Variants in SYNM observed in about 807,000 individuals in gnomAD.
SYNM encodes the protein synemin.
In SYNM, 95 loss-of-function variants were observed where a neutral mutation model predicts 104.0. That is an observed-to-expected ratio of 0.91 (90% CI 0.77 to 1.08). The LOEUF is 1.08. Ranked by LOEUF, SYNM falls within the 50% of genes least tolerant of loss-of-function variation. The probability of loss-of-function intolerance (pLI) is 0.00; values close to 1 mark genes in which losing one functional copy is unlikely to be tolerated. For missense variants in SYNM, 2,150 were observed against 2,052.2 expected, an observed-to-expected ratio of 1.05 and a Z score of -0.92; for synonymous variants, 918 against 869.0, an observed-to-expected ratio of 1.06 and a Z score of -0.99.
At chr15:99,141,556 T>A in the SYNM span, among the ~76,000 whole-genome samples, 1 of 152,198 alleles carries the variant, frequency 6.6e-6, no homozygotes, top group Non-Finnish European at 1.5e-5. Flanking sequence ...AAATGTTTCA[T>A]AATATATTTT....
Position 99,132,130 on chromosome 15 carries a change from G to T in SYNM, c.3770G>T (p.Gly1257Val). 1 of 1,613,988 alleles carries T rather than the reference G, an allele frequency of 6.2e-7. No homozygotes were observed. Among genetic ancestry groups the T allele is most frequent in the Non-Finnish European group, 8.5e-7 (1 of 1,179,896 alleles). ...GDYFATEESVGTQTSVRQLQL... is the reference protein window; with the variant it reads ...GDYFATEESVVTQTSVRQLQL... ...TATTTTGCAACAGAAGAGTCAGTGGGTACCCAGACTTCTGTCAGGCAACTC... is the reference window on the plus strand; with the variant it reads ...TATTTTGCAACAGAAGAGTCAGTGGTTACCCAGACTTCTGTCAGGCAACTC... Residue 1257 changes from glycine to valine, a missense_variant, in exon 4 of 4, where the codon GGT becomes GTT. Physicochemically the swap from Gly to Val is moderately radical, Grantham distance 109 (BLOSUM62 -3). Transcript: ENST00000336292.
In SYNM at chr15:99,133,025, T is replaced by TGAG. The variant is rs782791795; in HGVS notation, c.4675_4677dup (p.Glu1559dup). 3.7e-6 allele frequency: 6 copies of TGAG among 1,613,596 alleles called. No individual in the cohort carries two copies. The highest frequency in any genetic ancestry group is 3.3e-5 in the South Asian group (3 of 91,044). On this transcript the variant is annotated inframe_insertion, in exon 4 of 4. Transcript: ENST00000336292. ...AAGTTGCCCTCCTCTATCTAGACAA[T>TGAG]GAGGAGGAGGAGAATGATGGGCATT...
chr15:99,107,928 T>G (rs984608347), intron 1 of SYNM, among the ~76,000 whole-genome samples: 18 of 56,268 alleles, frequency 3.2e-4, no homozygotes, highest in African/African-American at 1.8e-3. Flanking sequence ...AAGGACCTGG[T>G]TTTTTTTTTT....
rs781921230 is a variant in SYNM at position 99,126,802 on chromosome 15, A to T, written c.1006+10A>T. On this transcript the variant is annotated intron_variant, in intron 3 of 3. Coordinates refer to ENST00000336292, the MANE Select transcript of SYNM (RefSeq NM_145728.3). ...GAAAACATGCCGTCAGGTAAGTAAA[A>T]GCTAATGACTTGACTTAGCTTTAGG... The T allele has an allele frequency of 6.4e-6, 10 of 1,559,800 alleles. No individual in the cohort carries two copies. The South Asian group carries it at 9.5e-5, about 15-fold the overall frequency.
At chr15:99,123,223 G>T (rs2067417208) in intron 2 of SYNM, among the ~76,000 whole-genome samples, 1 of 152,112 alleles carries the variant, frequency 6.6e-6, no homozygotes, top group African/African-American at 2.4e-5. Context: ...TCTGAATCCA[G>T]ACATCCTGAC....
chr15:99,120,182 A>C (rs1439533718), intron 2 of SYNM, among the ~76,000 whole-genome samples: 1 of 152,216 alleles, frequency 6.6e-6, no homozygotes, highest in African/African-American at 2.4e-5. Context: ...TGTTCCCTCC[A>C]TGCCCTGTTG....
At chr15:99,114,729 G>T (rs1052313237) in intron 2 of SYNM, among the ~76,000 whole-genome samples, 1 of 151,944 alleles carries the variant, frequency 6.6e-6, no homozygotes, top group Non-Finnish European at 1.5e-5. Context: ...GTCCCCCTGG[G>T]TGTGGCCTGC....
Position 99,131,009 on chromosome 15 carries a change from G to A in SYNM, c.2649G>A (p.Val883=). The change falls in exon 4 of 4, where the codon GTG becomes GTA. Residue 883 remains valine (V), a synonymous_variant. Transcript: ENST00000336292. This position sits in a 1 kb window ranked among gnomAD's most constrained non-coding sequence, Gnocchi z 4.3. ...TRRRTQKDGA[V]GEKVVKPLDV... ...GGAGGACACAGAAGGACGGTGCAGTGGGCGAGAAGGTTGTGAAGCCCTTGG... is the reference window on the plus strand; with the variant it reads ...GGAGGACACAGAAGGACGGTGCAGTAGGCGAGAAGGTTGTGAAGCCCTTGG... 1 of 1,613,248 alleles carries A rather than the reference G, an allele frequency of 6.2e-7. No individual in the cohort carries two copies. The highest frequency in any genetic ancestry group is 8.5e-7 in the Non-Finnish European group (1 of 1,179,530).
chr15:99,141,686 C>T, the SYNM span, among the ~76,000 whole-genome samples: 2 of 152,092 alleles, frequency 1.3e-5, no homozygotes, highest in Non-Finnish European at 2.9e-5. Flanking sequence ...TTTAGGTCTT[C>T]AAGAAAATTA....
chr15:99,107,709 C>A (rs1168581026), intron 1 of SYNM, among the ~76,000 whole-genome samples: 1 of 152,148 alleles, frequency 6.6e-6, no homozygotes, highest in Non-Finnish European at 1.5e-5. Flanking sequence ...CTGGAGGAGA[C>A]ATGGGGACTT....
rs35238587 is a variant in SYNM at position 99,132,765 on chromosome 15, G to A, written c.4405G>A (p.Val1469Ile). 18,021 of 1,613,938 alleles carry A rather than the reference G, an allele frequency of 0.011. 143 individuals carry two copies. The highest frequency in any genetic ancestry group is 0.013 in the Non-Finnish European group (15,665 of 1,179,882). The change falls in exon 4 of 4, where the codon GTA becomes ATA. Residue 1469 changes from valine to isoleucine, a missense_variant. Coordinates refer to ENST00000336292, the MANE Select transcript of SYNM (RefSeq NM_145728.3). ...TACCTTTCAGATGGATGTGAGTAAC[G>A]TAGAGGCGATCCGCAGCCGGACACA... is the stretch of plus-strand genomic sequence containing the variant. ...SFTFQMDVSN[V>I]EAIRSRTQEA...
At chr15:99,139,784 A>G, downstream of SYNM, 1 of 1,276,038 alleles carries the variant, frequency 7.8e-7, no homozygotes, top group Non-Finnish European at 1.0e-6. Context: ...TTTTTTTGTA[A>G]ACACATACTC....
At position 99,131,236 on chromosome 15, in the gene SYNM, C is replaced by A; in HGVS notation, c.2876C>A (p.Thr959Asn). 2 of 1,609,368 alleles carry A rather than the reference C, an allele frequency of 1.2e-6. No individual in the cohort carries two copies. Among genetic ancestry groups the A allele is most frequent in the Non-Finnish European group, 1.7e-6 (2 of 1,178,176 alleles). Residue 959 changes from threonine (T) to asparagine (N), a missense_variant, in exon 4 of 4, where the codon ACC becomes AAC. Thr to Asn is a moderately conservative substitution (Grantham distance 65, BLOSUM62 0). Coordinates refer to ENST00000336292, the MANE Select transcript of SYNM (RefSeq NM_145728.3). The surrounding 1 kb of genome is among the most constrained non-coding windows in gnomAD (Gnocchi z 4.3). ...GAGGTCATCGGGCAGCTGGAGGAAA[C>A]CCTTCCCGAGCGCATGAGGGAGGAG... Reference protein sequence around the residue: ...LVEVIGQLEETLPERMREELS... With the variant: ...LVEVIGQLEENLPERMREELS...
At chr15:99,113,518 A>T in intron 1 of SYNM, 73 bp from the exon 2 acceptor site, 1 of 1,587,798 alleles carries the variant, frequency 6.3e-7, no homozygotes, top group Non-Finnish European at 8.6e-7. Flanking sequence ...TTCGATCCTG[A>T]ATTGTTGGTA....
In SYNM at chr15:99,131,775, C is replaced by T. The variant is rs200970400; in HGVS notation, c.3415C>T (p.Arg1139Ter). 5.0e-6 allele frequency: 8 copies of T among 1,613,920 alleles called. No homozygotes were observed. The highest frequency in any genetic ancestry group is 1.7e-5 in the Admixed American group (1 of 60,032). The part of the protein sequence containing the change: ...LGPSEVWRTE[R>*]MSYEGPTAEV... The stretch of plus-strand genomic sequence containing the variant: ...CCCCTCTGAAGTCTGGAGGACTGAG[C>T]GAATGTCATATGAAGGACCCACTGC... Residue 1139 changes from arginine to a stop codon, truncating the protein, a stop_gained, in exon 4 of 4, where the codon CGA becomes TGA. Transcript: ENST00000336292. LOFTEE classifies it high-confidence loss of function. This position sits in a 1 kb window ranked among gnomAD's most constrained non-coding sequence, Gnocchi z 4.3.
chr15:99,138,229 A>G, downstream of SYNM: 2 of 1,441,892 alleles, frequency 1.4e-6, no homozygotes, highest in African/African-American at 1.4e-5. Flanking sequence ...CCCATTTATG[A>G]GAAGACTTGG....
chr15:99,117,895 C>T (rs1272267967), intron 2 of SYNM, among the ~76,000 whole-genome samples: 3 of 152,212 alleles, frequency 2.0e-5, no homozygotes, highest in Non-Finnish European at 2.9e-5. Context: ...CTATGGCTGG[C>T]GTTTCCCTAA....
rs782249523 is a variant in SYNM, at chr15:99,130,843, A to C, written c.2483A>C (p.Gln828Pro). 1 of 1,614,026 alleles carries C rather than the reference A, an allele frequency of 6.2e-7. No homozygotes were observed. The highest frequency in any genetic ancestry group is 8.5e-7 in the Non-Finnish European group (1 of 1,179,888). Reference protein sequence around the residue: ...VTEAGDSEGEQSYFVSTPDEH... With the variant: ...VTEAGDSEGEPSYFVSTPDEH... ...GAGGCAGGTGATTCAGAGGGCGAGC[A>C]GAGTTATTTTGTGTCCACTCCAGAT... The change falls in exon 4 of 4, where the codon CAG becomes CCG. Residue 828 changes from glutamine to proline, a missense_variant. Coordinates refer to ENST00000336292, the MANE Select transcript of SYNM (RefSeq NM_145728.3).
downstream of SYNM, chr15:99,140,311 T>C (rs2068077846): frequency 2.0e-5 from 3 of 152,228 alleles, no homozygotes; most frequent in Admixed American, 2.0e-4. Flanking sequence ...CAAGAAAGAT[T>C]TGAAGGACTA....
Sources: allele counts gnomAD v4.1 joint callset (sites outside exome capture counted in the v4.1 genomes callset), GRCh38; gene constraint gnomAD v4.1.1; non-coding constraint Gnocchi (gnomAD v3.1); transcripts MANE v1.5; gene names NCBI Gene and HGNC (gene_info 2026-07-23, HGNC 2026-07-21).